TXNL1: variants seen among roughly 807,000 people sequenced by gnomAD.
TXNL1 encodes thioredoxin-like protein 1.
A neutral mutation model predicts 35.5 loss-of-function variants in TXNL1; 14 were observed. That is an observed-to-expected ratio of 0.39 (90% CI 0.26 to 0.62). The LOEUF (loss-of-function observed/expected upper bound fraction) is 0.62. Among genes scored for constraint, TXNL1 ranks in the 20% least tolerant of loss-of-function variants. TXNL1 has a pLI of 0.47. For missense variants in TXNL1, 263 were observed against 349.7 expected, an observed-to-expected ratio of 0.75 and a Z score of 1.98; for synonymous variants, 110 against 115.5, an observed-to-expected ratio of 0.95 and a Z score of 0.31.
intron 2 of TXNL1, 27 bp downstream of exon 2, chr18:56,626,334 A>G: frequency 6.3e-7 from 1 of 1,577,164 alleles, no homozygotes; most frequent in Non-Finnish European, 8.6e-7. Context: ...AAGTAAATTA[A>G]AAAGAAAAAA....
Position 56,617,340 on chromosome 18 carries a change from G to T in TXNL1, c.492+664C>A, listed in dbSNP as rs1427824255. Among the ~76,000 whole-genome samples the T allele has an allele frequency of 2.0e-5, 3 of 152,300 alleles. No homozygotes were observed. In the East Asian group the frequency reaches 5.8e-4, roughly 29 times the overall value. On this transcript the variant is annotated intron_variant, in intron 4 of 7. Coordinates refer to ENST00000217515, the MANE Select transcript of TXNL1 (RefSeq NM_004786.3). The stretch of plus-strand genomic sequence containing the variant: ...AGAAGAGATGAGAAAGTTAAAAACA[G>T]ATCAAGTCAGCCTCCTCCTAAAGCC...
intron 1 of TXNL1, among the ~76,000 whole-genome samples, chr18:56,628,890 TTAACA>T (rs1326881929): frequency 6.6e-6 from 1 of 152,232 alleles, no homozygotes; most frequent in African/African-American, 2.4e-5. Flanking sequence ...CTCCACATTC[TTAACA>T]TTTCAATCAG....
intron 3 of TXNL1, 87 bp from the exon 4 acceptor site, chr18:56,618,213 G>C: frequency 7.2e-7 from 1 of 1,393,142 alleles, no homozygotes. Flanking sequence ...TTCTCTTTAG[G>C]CAATTTTAAA....
At chr18:56,627,171 G>C (rs972151718) in intron 1 of TXNL1, among the ~76,000 whole-genome samples, 10 of 151,990 alleles carry the variant, frequency 6.6e-5, no homozygotes, top group African/African-American at 1.9e-4. Flanking sequence ...ATACTATACT[G>C]TCTTAATGAG....
intron 1 of TXNL1, among the ~76,000 whole-genome samples, chr18:56,629,694 T>C (rs951441870): frequency 6.6e-6 from 1 of 152,224 alleles, no homozygotes; most frequent in Non-Finnish European, 1.5e-5. Context: ...TTTTAAAATA[T>C]TAAATGAGTT....
intron 3 of TXNL1, among the ~76,000 whole-genome samples, chr18:56,622,855 A>G (rs1413462060): frequency 6.6e-6 from 1 of 152,216 alleles, no homozygotes; most frequent in Non-Finnish European, 1.5e-5. Flanking sequence ...GACATAAACG[A>G]TATGTTGATA....
At position 56,634,428 on chromosome 18, in the gene TXNL1, G is replaced by A. The variant is rs146342829; in HGVS notation, c.98+3915C>T. On this transcript the variant is annotated intron_variant, in intron 1 of 7. Transcript: ENST00000217515. ...CTGTAAAACAAGGATAGCTGTTAGG[G>A]TTATTCTGAGGAATGAATTGAGTCA... Among the ~76,000 whole-genome samples, 63 of 152,270 alleles carry A rather than the reference G, an allele frequency of 4.1e-4. No homozygotes were observed. In the East Asian group the frequency reaches 8.5e-3, roughly 21 times the overall value.
At chr18:56,626,268 T>C (rs746780542) in intron 2 of TXNL1, 93 bp downstream of exon 2, 8 of 1,527,920 alleles carry the variant, frequency 5.2e-6, no homozygotes, top group Non-Finnish European at 7.0e-6. Context: ...GAATAAGTAC[T>C]ATGTGCATCA....
Position 56,626,386 on chromosome 18 carries a change from A to C in TXNL1, c.170T>G (p.Leu57Trp). The C allele has an allele frequency of 6.2e-7, 1 of 1,613,862 alleles. No homozygotes were observed. The highest frequency in any genetic ancestry group is 2.2e-5 in the East Asian group (1 of 44,870). ...MSNKYPQAVF[L>W]EVDVHQCQGT... ...CTGACACTGATGTACATCGACTTCC[A>C]AGAAAACAGCCTGTGGATATTTATT... Residue 57 changes from leucine (L) to tryptophan (W), a missense_variant, in exon 2 of 8, where the codon TTG (leucine) becomes TGG (tryptophan). Leu to Trp is a moderately conservative substitution (Grantham distance 61). Transcript: ENST00000217515.
At chr18:56,636,467 A>G (rs1428646066) in intron 1 of TXNL1, among the ~76,000 whole-genome samples, 1 of 152,228 alleles carries the variant, frequency 6.6e-6, no homozygotes, top group Admixed American at 6.5e-5. Context: ...AGGAATATTA[A>G]AGGTAAATAC....
chr18:56,614,549 T>C lies in TXNL1; in HGVS notation c.610A>G (p.Met204Val), dbSNP rs1353617975. 2.5e-6 allele frequency: 4 copies of C among 1,613,740 alleles called. No homozygotes were observed. Among genetic ancestry groups the C allele is most frequent in the Non-Finnish European group, 2.5e-6 (3 of 1,179,950 alleles). Residue 204 changes from methionine (M) to valine (V), a missense_variant, in exon 6 of 8, where the codon ATG becomes GTG. By Grantham distance (21) the Met-to-Val change is conservative. Coordinates refer to ENST00000217515, the MANE Select transcript of TXNL1 (RefSeq NM_004786.3). The stretch of plus-strand genomic sequence containing the variant: ...CTTCTTTCTGCCTCTTCAAAATCCA[T>C]AGATCGGGGTAGGTTGATAAAAATT... ...VKIFINLPRS[M>V]DFEEAERSEP...
intron 2 of TXNL1, 183 bp downstream of exon 2, chr18:56,626,178 T>C: frequency 3.8e-6 from 5 of 1,316,014 alleles, no homozygotes; most frequent in Non-Finnish European, 3.9e-6. Flanking sequence ...CAATTAATAA[T>C]GTGCTACTCT....
rs2023835120 is a variant in TXNL1 at position 56,603,196 on chromosome 18, T to C, written c.841-140A>G. The stretch of plus-strand genomic sequence containing the variant: ...TCTGGCATGCAATGTATTTTCACTG[T>C]TGAAGCAAACTGTGACCTCCCCTCC... On this transcript the variant is annotated intron_variant, in intron 7 of 7. Coordinates refer to ENST00000217515, the MANE Select transcript of TXNL1 (RefSeq NM_004786.3). 14 of 697,900 alleles carry C rather than the reference T, an allele frequency of 2.0e-5. No homozygotes were observed. In the South Asian group the frequency reaches 2.8e-4, roughly 14 times the overall value. 43.2% of individuals were successfully genotyped at this position (697,900 alleles called of 1,614,324 possible). A position where few individuals can be genotyped will look rare whatever the true frequency, so the allele number is the denominator to read the frequency against.
intron 7 of TXNL1, among the ~76,000 whole-genome samples, chr18:56,605,767 C>A (rs1361531309): frequency 1.3e-5 from 2 of 152,102 alleles, no homozygotes; most frequent in Non-Finnish European, 2.9e-5. Context: ...TCTAGTCTGT[C>A]AAACCTTAAA....
At chr18:56,626,925 C>T (rs2024294112) in intron 1 of TXNL1, among the ~76,000 whole-genome samples, 1 of 149,680 alleles carries the variant, frequency 6.7e-6, no homozygotes, top group Non-Finnish European at 1.5e-5. Flanking sequence ...CCACCTCAGC[C>T]TTCCAAGTAG....
In TXNL1 at chr18:56,618,999, T is replaced by C. The variant is rs1342194231; in HGVS notation, c.370-873A>G. 2.6e-5 allele frequency among the ~76,000 whole-genome samples: 4 copies of C among 151,696 alleles called. No individual in the cohort carries two copies. The East Asian group carries it at 5.9e-4, about 22-fold the overall frequency. Reference sequence around the variant, plus strand: ...CCAAGGTGGGTGGACAGCTTGAGCTTAGGAGTTCAAGAGCAGCCTGGGCAA... The same window carrying C: ...CCAAGGTGGGTGGACAGCTTGAGCTCAGGAGTTCAAGAGCAGCCTGGGCAA... On this transcript the variant is annotated intron_variant, in intron 3 of 7. Transcript: ENST00000217515.
chr18:56,614,756 G>T (rs17090268), intron 5 of TXNL1, among the ~76,000 whole-genome samples, 160 bp from the exon 6 acceptor site: 93,130 of 152,082 alleles, frequency 0.61, 33,208 homozygotes, highest in Non-Finnish European at 0.78. Flanking sequence ...GAGTATTCAG[G>T]TAGCCAATCC....
At chr18:56,605,811 G>A (rs1444714749) in intron 7 of TXNL1, among the ~76,000 whole-genome samples, 1 of 152,150 alleles carries the variant, frequency 6.6e-6, no homozygotes, top group Non-Finnish European at 1.5e-5. Context: ...AGCATGAAAG[G>A]TTGTCTAAGA....
chr18:56,638,287 G>A, intron 1 of TXNL1, 56 bp downstream of exon 1: 2 of 1,526,452 alleles, frequency 1.3e-6, no homozygotes, highest in Non-Finnish European at 1.8e-6. Context: ...AACAAAGAGT[G>A]AAAGGAAAGC....
Sources: allele counts gnomAD v4.1 joint callset (sites outside exome capture counted in the v4.1 genomes callset), GRCh38; gene constraint gnomAD v4.1.1; transcripts MANE v1.5; gene names NCBI Gene and HGNC (gene_info 2026-07-23, HGNC 2026-07-21).